The following DNAI1 variants were observed in gnomAD, a reference collection of about 807,000 sequenced individuals.
DNAI1 encodes the protein dynein axonemal intermediate chain 1, also known as dynein, axonemal, intermediate polypeptide 1.
DNAI1 carries 67 observed loss-of-function variants against 92.0 expected under a neutral mutation model. The ratio of observed to expected loss-of-function variants is 0.73; its 90% CI spans 0.60 to 0.89. The LOEUF is 0.89. DNAI1 is among the 40% of genes least tolerant of loss of function. The probability of loss-of-function intolerance (pLI) is 0.00; values close to 1 mark genes in which losing one functional copy is unlikely to be tolerated. For synonymous variants in DNAI1, 323 were observed against 319.6 expected, an observed-to-expected ratio of 1.01 and a Z score of -0.11; for missense variants, 839 against 866.6, an observed-to-expected ratio of 0.97 and a Z score of 0.40.
At chr9:34,520,408 A>G (rs1249977182) in intron 19 of DNAI1, among the ~76,000 whole-genome samples, 3 of 152,202 alleles carry the variant, frequency 2.0e-5, no homozygotes, top group Non-Finnish European at 4.4e-5. Context: ...ACAAGCATCA[A>G]GACCCCATGT....
At position 34,506,743 on chromosome 9, in the gene DNAI1, G is replaced by A. The variant is rs372958889; in HGVS notation, c.1180G>A (p.Asp394Asn). Residue 394 changes from aspartate to asparagine, a missense_variant, in exon 13 of 20, where the codon GAC becomes AAC. Physicochemically the swap from Asp to Asn is conservative, Grantham distance 23. Coordinates refer to ENST00000242317, the MANE Select transcript of DNAI1 (RefSeq NM_012144.4). The part of the protein sequence containing the change: ...SGVMCLDIHV[D>N]HPYLVAVGHY... The stretch of plus-strand genomic sequence containing the variant: ...CGTCATGTGTCTCGACATCCACGTG[G>A]ACCACCCCTACCTGGTGGCAGTAGG... 1 of 1,614,140 alleles carries A rather than the reference G, an allele frequency of 6.2e-7. No homozygotes were observed. Among genetic ancestry groups the A allele is most frequent in the Admixed American group, 1.7e-5 (1 of 60,016 alleles).
intron 9 of DNAI1, 51 bp from the exon 10 acceptor site, chr9:34,497,064 A>T: frequency 1.4e-6 from 2 of 1,390,086 alleles, no homozygotes; most frequent in Non-Finnish European, 2.0e-6. Context: ...AGGACATATG[A>T]CCTTGCTAAG....
intron 1 of DNAI1, among the ~76,000 whole-genome samples, chr9:34,475,240 A>G (rs1824215804): frequency 6.6e-6 from 1 of 152,220 alleles, no homozygotes; most frequent in Non-Finnish European, 1.5e-5. Flanking sequence ...TTTAGTTTCA[A>G]TTTAGCTTAA....
At chr9:34,515,180 G>A (rs1825151490) in intron 18 of DNAI1, among the ~76,000 whole-genome samples, 1 of 152,148 alleles carries the variant, frequency 6.6e-6, no homozygotes, top group African/African-American at 2.4e-5. Context: ...AATGGGAGGG[G>A]GCTATTCAAC....
intron 1 of DNAI1, among the ~76,000 whole-genome samples, chr9:34,475,959 C>T (rs1824228723): frequency 6.6e-6 from 1 of 152,184 alleles, no homozygotes. Flanking sequence ...CAAAACAGGT[C>T]TAAATGCAGG....
intron 4 of DNAI1, among the ~76,000 whole-genome samples, chr9:34,485,895 C>T (rs10814113): frequency 0.18 from 27,360 of 152,042 alleles, 2,675 homozygotes; most frequent in East Asian, 0.33. Context: ...CAATTTCCCT[C>T]TAGACAAAAG....
intron 1 of DNAI1, among the ~76,000 whole-genome samples, chr9:34,481,234 C>T (rs1181853645): frequency 2.6e-5 from 4 of 152,234 alleles, no homozygotes; most frequent in Non-Finnish European, 5.9e-5. Context: ...AAGAGTGAAA[C>T]TCTGTCTCAA....
At position 34,459,450 on chromosome 9, in the gene DNAI1, C is replaced by CTTTTT. The variant is rs373407715; in HGVS notation, c.48+406_48+410dup. Among the ~76,000 whole-genome samples the CTTTTT allele has an allele frequency of 1.4e-4, 20 of 138,212 alleles. No individual in the cohort carries two copies. In the East Asian group the frequency reaches 2.3e-3, roughly 16 times the overall value. The allele number at this position is 138,212 out of a possible 152,430, so 90.7% of individuals were successfully genotyped here. ...TCTTTTTCTTTTTCTTTCTTTCTTTCTTTTTTTTTTTTTGAGACAGAGGCT... is the reference window on the plus strand; with the variant it reads ...TCTTTTTCTTTTTCTTTCTTTCTTTCTTTTTTTTTTTTTTTTTTGAGACAGAGGCT... On this transcript the variant is annotated intron_variant, in intron 1 of 19. Coordinates refer to ENST00000242317, the MANE Select transcript of DNAI1 (RefSeq NM_012144.4).
chr9:34,480,875 G>A (rs781292416), intron 1 of DNAI1, among the ~76,000 whole-genome samples: 15 of 152,236 alleles, frequency 9.9e-5, no homozygotes, highest in Non-Finnish European at 2.2e-4. Flanking sequence ...GAACCTGGGA[G>A]GTGGAGGTTG....
At chr9:34,514,970 C>T (rs1269013001) in intron 18 of DNAI1, among the ~76,000 whole-genome samples, 2 of 152,218 alleles carry the variant, frequency 1.3e-5, no homozygotes, top group African/African-American at 4.8e-5. Context: ...GAGGAGAAAG[C>T]ACTCTGGGGG....
intron 19 of DNAI1, 150 bp downstream of exon 19, chr9:34,517,617 T>A: frequency 2.1e-6 from 2 of 971,512 alleles, no homozygotes; most frequent in Non-Finnish European, 3.1e-6. Flanking sequence ...AGGCTCACAG[T>A]AGAAGCAGGT....
rs1254973110 is a variant in DNAI1, at chr9:34,497,207, T to G, written c.901+8T>G. On this transcript the variant is annotated splice_region_variant and intron_variant, in intron 10 of 19. Coordinates refer to ENST00000242317, the MANE Select transcript of DNAI1 (RefSeq NM_012144.4). ...ATGATGACATTGCTCAAGGTAAGAG[T>G]TGAAGTTCTGGCAACCACTATTATT... is the stretch of plus-strand genomic sequence containing the variant. 2 of 1,610,654 alleles carry G rather than the reference T, an allele frequency of 1.2e-6. No homozygotes were observed. Among genetic ancestry groups the G allele is most frequent in the African/African-American group, 2.7e-5 (2 of 74,800 alleles).
intron 5 of DNAI1, 69 bp downstream of exon 5, chr9:34,489,518 G>A: frequency 6.3e-7 from 1 of 1,581,300 alleles, no homozygotes. Flanking sequence ...ACTCTAGGGA[G>A]TATACCTCTA....
At chr9:34,509,562 G>A (rs912088137) in intron 13 of DNAI1, among the ~76,000 whole-genome samples, 8 of 151,878 alleles carry the variant, frequency 5.3e-5, no homozygotes, top group Non-Finnish European at 1.0e-4. Flanking sequence ...AGCATAGTTC[G>A]AAAATTGCTG....
chr9:34,510,109 G>T (rs1564040751), intron 13 of DNAI1, among the ~76,000 whole-genome samples: 1 of 152,220 alleles, frequency 6.6e-6, no homozygotes, highest in African/African-American at 2.4e-5. Flanking sequence ...CTGTGTCAGA[G>T]ATATATGGGG....
At chr9:34,497,022 C>T in intron 9 of DNAI1, 93 bp from the exon 10 acceptor site, 1 of 955,816 alleles carries the variant, frequency 1.0e-6, no homozygotes, top group Non-Finnish European at 1.7e-6. Context: ...CAGAGAGCTA[C>T]TGCTGAATCA....
Position 34,465,223 on chromosome 9 carries a change from AT to A in DNAI1, c.48+6171del, listed in dbSNP as rs535694498. Among the ~76,000 whole-genome samples the A allele has an allele frequency of 9.2e-5, 14 of 152,312 alleles. No individual in the cohort carries two copies. In the East Asian group the frequency reaches 2.7e-3, roughly 29 times the overall value. On this transcript the variant is annotated intron_variant, in intron 1 of 19. Coordinates refer to ENST00000242317, the MANE Select transcript of DNAI1 (RefSeq NM_012144.4). ...TGTTTTTTTAAGATGACAGACTTGA[AT>A]ATATTAAATGCTGAGGGGAAGGATC...
At chr9:34,500,863 T>G in intron 11 of DNAI1, 24 bp downstream of exon 11, 1 of 1,588,700 alleles carries the variant, frequency 6.3e-7, no homozygotes, top group African/African-American at 1.3e-5. Context: ...TTGCAGCAAA[T>G]GCAGAGCCCC....
intron 19 of DNAI1, among the ~76,000 whole-genome samples, chr9:34,519,502 A>C (rs142897378): frequency 1.7e-4 from 26 of 152,280 alleles, no homozygotes; most frequent in African/African-American, 6.3e-4. Flanking sequence ...GAGGGAAGAG[A>C]GAGAAAAAGA....
Sources: allele counts gnomAD v4.1 joint callset (sites outside exome capture counted in the v4.1 genomes callset), GRCh38; gene constraint gnomAD v4.1.1; transcripts MANE v1.5; gene names NCBI Gene and HGNC (gene_info 2026-07-23, HGNC 2026-07-21).